The following SDR42E1 variants were observed in gnomAD, a reference collection of about 807,000 sequenced individuals.
SDR42E1 encodes the protein short-chain dehydrogenase/reductase family 42E member 1.
A neutral mutation model predicts 2.6 loss-of-function variants in SDR42E1; 5 were observed. The observed-to-expected ratio is 1.94, with a 90% confidence interval of 1.01 to 4.08. The LOEUF (loss-of-function observed/expected upper bound fraction) is 4.08. Among genes scored for constraint, SDR42E1 ranks in the 30% most tolerant of loss-of-function variants. The pLI is 0.00. For synonymous variants in SDR42E1, 231 were observed against 188.3 expected (o/e 1.23, Z -1.86); for missense variants, 596 against 478.6 (o/e 1.25, Z -2.29).
At chr16:82,002,209 C>A (rs770025367) in intron 1 of SDR42E1, among the ~76,000 whole-genome samples, 1 of 152,120 alleles carries the variant, frequency 6.6e-6, no homozygotes, top group East Asian at 1.9e-4. Context: ...GCTTGTATGG[C>A]AGAGAGGCTA....
At position 81,995,465 on chromosome 16, in the gene SDR42E1, G is replaced by T. The variant is rs780598800; in HGVS notation, c.*3646C>A. ...CTTTTAAAGTGGTGAGTTTTCAGCTGAGATGTGGAGGGAGCACAAATCACT... is the reference window on the plus strand; with the variant it reads ...CTTTTAAAGTGGTGAGTTTTCAGCTTAGATGTGGAGGGAGCACAAATCACT... On this transcript the variant is annotated 3_prime_UTR_variant, in exon 3 of 3. Transcript: ENST00000328945. The T allele has an allele frequency of 6.6e-6, 1 of 152,216 alleles. No homozygotes were observed. The highest frequency in any genetic ancestry group is 2.4e-5 in the African/African-American group (1 of 41,452). 9.4% of individuals were successfully genotyped at this position (152,216 alleles called of 1,614,324 possible).
rs1034276198 is a variant in SDR42E1, at chr16:81,989,377, G to T, written c.*9734C>A. ...CAAATATATACATATATGAAATTTG[G>T]GGACATTAGTAAAAGGGGTCTTTGG... is the stretch of plus-strand genomic sequence containing the variant. On this transcript the variant is annotated 3_prime_UTR_variant, in exon 3 of 3. Coordinates refer to ENST00000328945, the MANE Select transcript of SDR42E1 (RefSeq NM_145168.3). The T allele has an allele frequency of 2.0e-5, 3 of 152,086 alleles. No individual in the cohort carries two copies. Among genetic ancestry groups the T allele is most frequent in the African/African-American group, 7.2e-5 (3 of 41,404 alleles). 9.4% of individuals were successfully genotyped at this position (152,086 alleles called of 1,614,324 possible).
rs540766384 is a variant in SDR42E1 at position 81,991,300 on chromosome 16, G to A, written c.*7811C>T. ...CTTCTGTAACTTAGTTTGTGTAGCA[G>A]AAGTCACTATTTACAGTTACTCATT... On this transcript the variant is annotated 3_prime_UTR_variant, in exon 3 of 3. Coordinates refer to ENST00000328945, the MANE Select transcript of SDR42E1 (RefSeq NM_145168.3). 1 of 152,314 alleles carries A rather than the reference G, an allele frequency of 6.6e-6. No individual in the cohort carries two copies. Among genetic ancestry groups the A allele is most frequent in the East Asian group, 1.9e-4 (1 of 5,186 alleles). The allele number at this position is 152,314 out of a possible 1,614,324, so 9.4% of individuals were successfully genotyped here.
At chr16:82,001,795 G>A (rs556988909) in intron 1 of SDR42E1, among the ~76,000 whole-genome samples, 17 of 151,798 alleles carry the variant, frequency 1.1e-4, no homozygotes, top group Non-Finnish European at 2.2e-4. Context: ...CCAGCTACTC[G>A]GGAGGCTGAG....
At chr16:82,005,019 T>A (rs1912889255) in intron 1 of SDR42E1, among the ~76,000 whole-genome samples, 1 of 152,210 alleles carries the variant, frequency 6.6e-6, no homozygotes, top group Admixed American at 6.5e-5. Flanking sequence ...CAATTTAAGA[T>A]CTTCTTAATA....
chr16:81,998,497 A>G lies in SDR42E1; in HGVS notation c.*614T>C, dbSNP rs1480497334. On this transcript the variant is annotated 3_prime_UTR_variant, in exon 3 of 3. Coordinates refer to ENST00000328945, the MANE Select transcript of SDR42E1 (RefSeq NM_145168.3). The stretch of plus-strand genomic sequence containing the variant: ...TTTGTATGCTTGAATTTAATCCTCA[A>G]AAGAATCCTATGAGGTAGAATAAAG... 1.3e-5 allele frequency: 2 copies of G among 152,660 alleles called. No individual in the cohort carries two copies. Among genetic ancestry groups the G allele is most frequent in the East Asian group, 3.8e-4 (2 of 5,204 alleles). The allele number at this position is 152,660 out of a possible 1,614,324, so 9.5% of individuals were successfully genotyped here. A position where few individuals can be genotyped will look rare whatever the true frequency, so the allele number is the denominator to read the frequency against.
chr16:81,991,789 C>T lies in SDR42E1; in HGVS notation c.*7322G>A, dbSNP rs971387372. ...AGTTTTGCCACTTCCTAGCTGGTGA[C>T]GCTGGGTACCCTTGGGCAAGGTACT... On this transcript the variant is annotated 3_prime_UTR_variant, in exon 3 of 3. Coordinates refer to ENST00000328945, the MANE Select transcript of SDR42E1 (RefSeq NM_145168.3). The T allele has an allele frequency of 1.3e-5, 2 of 151,700 alleles. No homozygotes were observed. The highest frequency in any genetic ancestry group is 2.9e-5 in the Non-Finnish European group (2 of 67,978). The allele number at this position is 151,700 out of a possible 1,614,324, so 9.4% of individuals were successfully genotyped here.
chr16:82,006,288 G>A (rs1230911575), intron 1 of SDR42E1, among the ~76,000 whole-genome samples: 2 of 152,144 alleles, frequency 1.3e-5, no homozygotes, highest in African/African-American at 4.8e-5. Context: ...GCTGACCAGA[G>A]GTAAAAGGTA....
intron 1 of SDR42E1, among the ~76,000 whole-genome samples, chr16:82,009,345 G>A (rs1344259733): frequency 6.6e-6 from 1 of 152,194 alleles, no homozygotes; most frequent in Non-Finnish European, 1.5e-5. Flanking sequence ...ACCTAGAAAA[G>A]CAGCAGACAC....
chr16:81,990,088 G>T lies in SDR42E1; in HGVS notation c.*9023C>A. On this transcript the variant is annotated 3_prime_UTR_variant, in exon 3 of 3. Transcript: ENST00000328945. ...CCACTTTGGGAGACTGAGGAAGGAG[G>T]ATCACCTAAGGCCAGGAGTTTGAGA... is the stretch of plus-strand genomic sequence containing the variant. 1 of 152,446 alleles carries T rather than the reference G, an allele frequency of 6.6e-6. No individual in the cohort carries two copies. The highest frequency in any genetic ancestry group is 1.5e-5 in the Non-Finnish European group (1 of 68,166). 9.4% of individuals were successfully genotyped at this position (152,446 alleles called of 1,614,324 possible).
At chr16:82,007,831 T>TAGGCAATTCCCTGTGTG (rs1912992650) in intron 1 of SDR42E1, 2 of 152,196 alleles carry the variant, frequency 1.3e-5, no homozygotes, top group African/African-American at 4.8e-5. Context: ...TTCCCTGTGT[T>TAGGCAATTCCCTGTGTG]ACCCTAGGCA....
Position 81,998,682 on chromosome 16 carries a change from A to G in SDR42E1, c.*429T>C, listed in dbSNP as rs999757776. On this transcript the variant is annotated 3_prime_UTR_variant, in exon 3 of 3. Coordinates refer to ENST00000328945, the MANE Select transcript of SDR42E1 (RefSeq NM_145168.3). ...ATTGCTCTGTTAGGGATCTGGGCCA[A>G]TTTGGTGTTTTTCACACGCATTCAA... The G allele has an allele frequency of 4.0e-5, 7 of 174,220 alleles. No homozygotes were observed. The highest frequency in any genetic ancestry group is 7.3e-5 in the Non-Finnish European group (6 of 82,132). 10.8% of individuals were successfully genotyped at this position (174,220 alleles called of 1,614,324 possible). A position where few individuals can be genotyped will look rare whatever the true frequency, so the allele number is the denominator to read the frequency against.
rs1173015556 is a variant in SDR42E1 at position 81,989,386 on chromosome 16, G to A, written c.*9725C>T. ...ACATATATGAAATTTGGGGACATTA[G>A]TAAAAGGGGTCTTTGGCCTTATCCG... On this transcript the variant is annotated 3_prime_UTR_variant, in exon 3 of 3. Coordinates refer to ENST00000328945, the MANE Select transcript of SDR42E1 (RefSeq NM_145168.3). The A allele has an allele frequency of 6.6e-6, 1 of 152,164 alleles. No individual in the cohort carries two copies. The highest frequency in any genetic ancestry group is 1.9e-4 in the East Asian group (1 of 5,194). The allele number at this position is 152,164 out of a possible 1,614,324, so 9.4% of individuals were successfully genotyped here. A position where few individuals can be genotyped will look rare whatever the true frequency, so the allele number is the denominator to read the frequency against.
Position 81,995,031 on chromosome 16 carries a change from G to A in SDR42E1, c.*4080C>T, listed in dbSNP as rs929089867. The A allele has an allele frequency of 5.3e-5, 8 of 152,210 alleles. No individual in the cohort carries two copies. Among genetic ancestry groups the A allele is most frequent in the Non-Finnish European group, 1.2e-4 (8 of 68,066 alleles). 9.4% of individuals were successfully genotyped at this position (152,210 alleles called of 1,614,324 possible). ...TGCCCCTGTCACCAGAAACGGCACTGAGGACATCCAAGAAGTATTTCCAAC... is the reference window on the plus strand; with the variant it reads ...TGCCCCTGTCACCAGAAACGGCACTAAGGACATCCAAGAAGTATTTCCAAC... On this transcript the variant is annotated 3_prime_UTR_variant, in exon 3 of 3. Coordinates refer to ENST00000328945, the MANE Select transcript of SDR42E1 (RefSeq NM_145168.3).
chr16:81,998,276 C>T lies in SDR42E1; in HGVS notation c.*835G>A, dbSNP rs1213937969. 1.3e-5 allele frequency: 2 copies of T among 152,180 alleles called. No homozygotes were observed. Among genetic ancestry groups the T allele is most frequent in the African/African-American group, 4.8e-5 (2 of 41,446 alleles). 9.4% of individuals were successfully genotyped at this position (152,180 alleles called of 1,614,324 possible). ...AGATTTTTAGTTGCTTCATTGTGGC[C>T]TTCTTAGAGGCCTAAACTTTACAAA... On this transcript the variant is annotated 3_prime_UTR_variant, in exon 3 of 3. Coordinates refer to ENST00000328945, the MANE Select transcript of SDR42E1 (RefSeq NM_145168.3).
chr16:82,000,462 AT>A, intron 2 of SDR42E1: 3 of 664,332 alleles, frequency 4.5e-6, no homozygotes, highest in East Asian at 2.8e-5. Context: ...GAATGGTGGC[AT>A]TTTTCCCCCT....
chr16:81,993,780 C>A lies in SDR42E1; in HGVS notation c.*5331G>T, dbSNP rs1248798455. The A allele has an allele frequency of 1.3e-5, 2 of 152,158 alleles. No individual in the cohort carries two copies. The highest frequency in any genetic ancestry group is 6.5e-5 in the Admixed American group (1 of 15,274). 9.4% of individuals were successfully genotyped at this position (152,158 alleles called of 1,614,324 possible). ...GGCGTTTATGTTCTGGGGAGCAAAT[C>A]ACTTCATCAAACAATTTCCATATAA... On this transcript the variant is annotated 3_prime_UTR_variant, in exon 3 of 3. Coordinates refer to ENST00000328945, the MANE Select transcript of SDR42E1 (RefSeq NM_145168.3).
chr16:82,004,257 TGAGCTTTA>T (rs371993570), intron 1 of SDR42E1, among the ~76,000 whole-genome samples: 2,586 of 151,526 alleles, frequency 0.017, 65 homozygotes, highest in African/African-American at 0.058. Context: ...CATGGGAGAG[TGAGCTTTA>T]GCACTACAGG....
chr16:82,001,389 A>G (rs1329501869), intron 1 of SDR42E1, among the ~76,000 whole-genome samples: 1 of 152,030 alleles, frequency 6.6e-6, no homozygotes, highest in Non-Finnish European at 1.5e-5. Flanking sequence ...AAATATGTAT[A>G]TGGGGAAAAA....
Sources: allele counts gnomAD v4.1 joint callset (sites outside exome capture counted in the v4.1 genomes callset), GRCh38; gene constraint gnomAD v4.1.1; transcripts MANE v1.5; gene names NCBI Gene and HGNC (gene_info 2026-07-23, HGNC 2026-07-21).